SEMA6D: variants seen among roughly 807,000 people sequenced by gnomAD.
The protein encoded by SEMA6D is semaphorin-6D.
In SEMA6D, 35 loss-of-function variants were observed where a neutral mutation model predicts 106.6. The observed-to-expected ratio is 0.33, with a 90% CI of 0.25 to 0.44. The LOEUF (loss-of-function observed/expected upper bound fraction) is 0.44. Among genes scored for constraint, SEMA6D ranks in the 20% least tolerant of loss-of-function variants. The pLI is 1.00. For missense variants in SEMA6D, 1,185 were observed against 1,345.9 expected (o/e 0.88, Z 1.87); for synonymous variants, 499 against 487.7 (o/e 1.02, Z -0.31).
At chr15:47,253,972 T>C (rs2033657306) in intron 1 of SEMA6D, among the ~76,000 whole-genome samples, 1 of 152,172 alleles carries the variant, frequency 6.6e-6, no homozygotes, top group African/African-American at 2.4e-5. Context: ...TATTAATTCT[T>C]TCAATCATTG....
chr15:47,430,848 G>T (rs1023444290), intron 2 of SEMA6D, among the ~76,000 whole-genome samples: 2 of 152,026 alleles, frequency 1.3e-5, no homozygotes, highest in Non-Finnish European at 2.9e-5. Context: ...CTTAGTTGAG[G>T]TGGGATGGAG....
chr15:47,699,741 A>C (rs1269090400), intron 4 of SEMA6D, among the ~76,000 whole-genome samples: 1 of 152,240 alleles, frequency 6.6e-6, no homozygotes, highest in Non-Finnish European at 1.5e-5. Flanking sequence ...TTCCCCATGA[A>C]GACCAAGACA....
chr15:47,539,737 G>A (rs1329780168), intron 3 of SEMA6D, among the ~76,000 whole-genome samples: 1 of 152,092 alleles, frequency 6.6e-6, no homozygotes, highest in African/African-American at 2.4e-5. Context: ...GCAAAGAAAG[G>A]AACTACAGCT....
At chr15:47,484,693 G>T (rs1391513359) in intron 3 of SEMA6D, among the ~76,000 whole-genome samples, 1 of 152,128 alleles carries the variant, frequency 6.6e-6, no homozygotes, top group African/African-American at 2.4e-5. Context: ...CAGATTTAAG[G>T]CCTGAAGTAA....
chr15:47,278,524 G>C (rs1481524130), intron 1 of SEMA6D, among the ~76,000 whole-genome samples: 1 of 152,152 alleles, frequency 6.6e-6, no homozygotes. Context: ...CCCTTTGTCA[G>C]ATGAGTAGGT....
At chr15:47,522,714 T>C (rs771272521) in intron 3 of SEMA6D, among the ~76,000 whole-genome samples, 1 of 152,190 alleles carries the variant, frequency 6.6e-6, no homozygotes, top group Non-Finnish European at 1.5e-5. Context: ...GTGGTCTCTT[T>C]TGTTCACCAT....
intron 1 of SEMA6D, among the ~76,000 whole-genome samples, chr15:47,263,199 A>AT (rs1399411215): frequency 2.1e-4 from 32 of 152,226 alleles, no homozygotes; most frequent in African/African-American, 7.7e-4. Flanking sequence ...TAACAAATGG[A>AT]TTCTAATTAA....
chr15:47,264,432 T>C (rs1246813742), intron 1 of SEMA6D, among the ~76,000 whole-genome samples: 1 of 152,082 alleles, frequency 6.6e-6, no homozygotes, highest in African/African-American at 2.4e-5. Flanking sequence ...ATTGCTGGGT[T>C]ATATGCTAAC....
intron 3 of SEMA6D, among the ~76,000 whole-genome samples, chr15:47,548,321 T>G (rs1389190842): frequency 2.6e-5 from 4 of 152,184 alleles, no homozygotes; most frequent in Non-Finnish European, 5.9e-5. Context: ...CTGAGGGGAC[T>G]GCTGGTTGTT....
At chr15:47,692,889 T>C (rs12908359) in intron 4 of SEMA6D, among the ~76,000 whole-genome samples, 55,142 of 152,022 alleles carry the variant, frequency 0.36, 11,249 homozygotes, top group Middle Eastern at 0.49. Flanking sequence ...AAGACTGACT[T>C]TCTATTAATA....
intron 4 of SEMA6D, among the ~76,000 whole-genome samples, chr15:47,687,540 A>G (rs913759462): frequency 6.6e-6 from 1 of 152,232 alleles, no homozygotes; most frequent in Admixed American, 6.5e-5. Flanking sequence ...AATCAAGATC[A>G]TGAAAGGCCC....
rs183319536 is a variant in SEMA6D at position 47,741,160 on chromosome 15, T to C, written c.-54-18585T>C. ...CCTCTCTGTTCCTTTTCTTCTGTGT[T>C]ATCTTTCTCTGCTGCAGGGATTAAG... On this transcript the variant is annotated intron_variant, in intron 1 of 18. Coordinates refer to ENST00000536845, the MANE Select transcript of SEMA6D (RefSeq NM_001358351.3). Among the ~76,000 whole-genome samples, 568 of 152,364 alleles carry C rather than the reference T, an allele frequency of 3.7e-3. 6 individuals carry two copies. The highest frequency in any genetic ancestry group is 0.013 in the African/African-American group (542 of 41,584).
intron 1 of SEMA6D, among the ~76,000 whole-genome samples, chr15:47,225,092 G>T (rs951549729): frequency 6.6e-6 from 1 of 151,950 alleles, no homozygotes; most frequent in African/African-American, 2.4e-5. Flanking sequence ...AGATTTGGTA[G>T]ATCTGCCCTT....
At chr15:47,271,661 T>C (rs2034568205) in intron 1 of SEMA6D, among the ~76,000 whole-genome samples, 1 of 152,162 alleles carries the variant, frequency 6.6e-6, no homozygotes, top group Non-Finnish European at 1.5e-5. Context: ...CTTTTGAGAA[T>C]TGGTGGCAAA....
intron 1 of SEMA6D, among the ~76,000 whole-genome samples, chr15:47,221,155 A>G (rs961655543): frequency 3.9e-5 from 6 of 152,180 alleles, no homozygotes; most frequent in Admixed American, 3.3e-4. Context: ...GGTTTGGCCA[A>G]TAGAAGATAA....
chr15:47,393,595 T>A (rs2040110887), intron 1 of SEMA6D: 1 of 152,168 alleles, frequency 6.6e-6, no homozygotes. Context: ...TCCTATCAAA[T>A]ATATACAGCT....
At chr15:47,721,739 C>A (rs952140577) in intron 1 of SEMA6D, among the ~76,000 whole-genome samples, 4 of 152,180 alleles carry the variant, frequency 2.6e-5, no homozygotes, top group African/African-American at 7.2e-5. Flanking sequence ...GTGGTCCACA[C>A]AGATACCACA....
intron 2 of SEMA6D, among the ~76,000 whole-genome samples, chr15:47,438,849 G>A (rs1283808033): frequency 2.0e-5 from 3 of 151,784 alleles, no homozygotes; most frequent in Admixed American, 6.6e-5. Flanking sequence ...TTTGGCTCAC[G>A]ATTGTATCCC....
intron 6 of SEMA6D, 111 bp from the exon 7 acceptor site, chr15:47,761,550 A>G: frequency 8.0e-7 from 1 of 1,255,644 alleles, no homozygotes; most frequent in East Asian, 2.3e-5. Context: ...GTGCAATGAA[A>G]GAATAAAGAC....
Sources: allele counts gnomAD v4.1 joint callset (sites outside exome capture counted in the v4.1 genomes callset), GRCh38; gene constraint gnomAD v4.1.1; transcripts MANE v1.5; gene names NCBI Gene and HGNC (gene_info 2026-07-23, HGNC 2026-07-21).